Variants in RPS7 observed in about 807,000 individuals in gnomAD.
RPS7 encodes the protein small ribosomal subunit protein eS7.
Under a neutral mutation model 22.1 loss-of-function variants are expected in RPS7, and 1 was observed. That is an observed-to-expected ratio of 0.05 (90% CI 0.02 to 0.21). The LOEUF (loss-of-function observed/expected upper bound fraction) is 0.21, where lower values mean the gene tolerates loss of function less well. Ranked by LOEUF, RPS7 falls within the 10% of genes least tolerant of loss-of-function variation. The pLI is 1.00. For missense variants in RPS7, 137 were observed against 246.4 expected (o/e 0.56, Z 2.97); for synonymous variants, 80 against 92.0 (o/e 0.87, Z 0.74).
intron 3 of RPS7, 188 bp downstream of exon 3, chr2:3,576,076 T>G: frequency 3.1e-6 from 2 of 649,248 alleles, no homozygotes; most frequent in South Asian, 3.5e-5. Flanking sequence ...GCAGGTACCC[T>G]GCGGCTTAAG....
chr2:3,576,455 T>G, intron 3 of RPS7, 32 bp from the exon 4 acceptor site: 1 of 1,605,538 alleles, frequency 6.2e-7, no homozygotes, highest in Non-Finnish European at 8.5e-7. Flanking sequence ...TCTGAAGCAG[T>G]TAACACAGTG....
intron 5 of RPS7, chr2:3,579,556 A>G (rs1661355095): frequency 5.7e-6 from 1 of 174,904 alleles, no homozygotes; most frequent in Admixed American, 5.4e-5. Flanking sequence ...AAAGCTTGCA[A>G]TTAATTGAAA....
chr2:3,575,906 C>T lies in RPS7; in HGVS notation c.147+18C>T. On this transcript the variant is annotated intron_variant, in intron 3 of 6. Transcript: ENST00000645674. ...CAGCTAAGGTAAGCTGGCGCTCCCT[C>T]GGCTGGGAGGGAGGTTGCGGCGCGT... 1.3e-6 allele frequency: 2 copies of T among 1,582,096 alleles called. No homozygotes were observed. The highest frequency in any genetic ancestry group is 1.1e-5 in the South Asian group (1 of 89,122).
chr2:3,575,520 G>T, intron 1 of RPS7, 72 bp from the exon 2 acceptor site: 1 of 1,033,908 alleles, frequency 9.7e-7, no homozygotes, highest in Admixed American at 1.9e-5. Context: ...CCTGGCCGGG[G>T]GGTGCGGGCG....
rs1188967457 is a variant in RPS7, at chr2:3,576,296, G to A, written c.148-191G>A. ...CTGGCCTGAACAGTCTCCCTTCCTG[G>A]AATAAGGAAATGTGAAGGTTGGAGA... On this transcript the variant is annotated intron_variant, in intron 3 of 6. Coordinates refer to ENST00000645674, the MANE Select transcript of RPS7 (RefSeq NM_001011.4). 4.5e-6 allele frequency: 3 copies of A among 671,652 alleles called. No individual in the cohort carries two copies. In the African/African-American group the frequency reaches 5.4e-5, roughly 12 times the overall value. 41.6% of individuals were successfully genotyped at this position (671,652 alleles called of 1,614,324 possible). A position where few individuals can be genotyped will look rare whatever the true frequency, so the allele number is the denominator to read the frequency against.
intron 1 of RPS7, 77 bp downstream of exon 1, chr2:3,575,427 A>G: frequency 3.3e-6 from 2 of 612,478 alleles, no homozygotes; most frequent in Non-Finnish European, 5.8e-6. Flanking sequence ...CAGGCCCTGG[A>G]GGGGCGAGCC....
intron 5 of RPS7, chr2:3,578,059 C>T: frequency 2.4e-6 from 1 of 419,198 alleles, no homozygotes; most frequent in East Asian, 4.4e-5. Context: ...GAAATCATTA[C>T]TTTAATTCTG....
chr2:3,580,036 TAA>T, intron 5 of RPS7, 72 bp from the exon 6 acceptor site: 1 of 1,384,206 alleles, frequency 7.2e-7, no homozygotes, highest in Non-Finnish European at 1.0e-6. Context: ...CATTTTGACT[TAA>T]AGAGGTGCCC....
chr2:3,575,557 C>G, intron 1 of RPS7, 35 bp from the exon 2 acceptor site: 1 of 1,508,368 alleles, frequency 6.6e-7, no homozygotes, highest in South Asian at 1.1e-5. Context: ...GCGCCTGCAG[C>G]CCGGGCCGCG....
intron 1 of RPS7, 119 bp from the exon 2 acceptor site, chr2:3,575,473 C>G (rs1275191706): frequency 1.4e-5 from 10 of 702,948 alleles, no homozygotes; most frequent in Non-Finnish European, 2.3e-5. Context: ...GATTACCCGC[C>G]CTGTGCTTTC....
At chr2:3,577,363 G>T in intron 4 of RPS7, 1 of 249,248 alleles carries the variant, frequency 4.0e-6, no homozygotes, top group African/African-American at 2.3e-5. Flanking sequence ...GTTACAGTTC[G>T]GATGGGGGAT....
At chr2:3,580,557 TGGG>T (rs1256488435) in intron 6 of RPS7, 6 of 622,944 alleles carry the variant, frequency 9.6e-6, no homozygotes, top group Middle Eastern at 4.2e-4. Context: ...ATCAGTGTCT[TGGG>T]GGGACATAAC....
rs780737793 is a variant in RPS7 at position 3,575,772 on chromosome 2, T to G, written c.76-45T>G. On this transcript the variant is annotated intron_variant, in intron 2 of 6. Transcript: ENST00000645674. Reference sequence around the variant, plus strand: ...CGCGCGTGTGTTGGGCCCGGGGTGCTCGGACGCGCGCTCAGGGTCGGTCCT... The same window carrying G: ...CGCGCGTGTGTTGGGCCCGGGGTGCGCGGACGCGCGCTCAGGGTCGGTCCT... 8 of 1,600,916 alleles carry G rather than the reference T, an allele frequency of 5.0e-6. No individual in the cohort carries two copies. The African/African-American group carries it at 9.4e-5, about 19-fold the overall frequency.
At chr2:3,579,455 A>T (rs541571814) in intron 5 of RPS7, 22 of 152,700 alleles carry the variant, frequency 1.4e-4, no homozygotes, top group Admixed American at 7.1e-4. Context: ...GTAGACAGAT[A>T]ACCATATGTA....
chr2:3,578,520 A>G (rs954811359), intron 5 of RPS7: 2 of 152,102 alleles, frequency 1.3e-5, no homozygotes, highest in Middle Eastern at 3.2e-3. Context: ...AGTGCTAAGA[A>G]TGTTTTTTTT....
intron 3 of RPS7, 115 bp downstream of exon 3, chr2:3,576,003 C>T (rs1261383726): frequency 5.0e-6 from 4 of 802,226 alleles, no homozygotes; most frequent in South Asian, 4.4e-5. Flanking sequence ...GGCCGCCTAA[C>T]CTGAACTCAG....
At chr2:3,578,018 T>C (rs578036764) in intron 5 of RPS7, 1 of 550,136 alleles carries the variant, frequency 1.8e-6, no homozygotes, top group Non-Finnish European at 3.2e-6. Flanking sequence ...TTCCTCCGAT[T>C]ATTTGTGCAC....
rs1661282778 is a variant in RPS7, at chr2:3,576,468, T to C, written c.148-19T>C. On this transcript the variant is annotated intron_variant, in intron 3 of 6. Transcript: ENST00000645674. ...TTTCTGAAGCAGTTAACACAGTGGA[T>C]TTTTGTTTTTTTCTTTAGGAAATTG... The C allele has an allele frequency of 6.2e-7, 1 of 1,611,672 alleles. No homozygotes were observed. The highest frequency in any genetic ancestry group is 8.5e-7 in the Non-Finnish European group (1 of 1,177,870).
Position 3,580,792 on chromosome 2 carries a change from T to C in RPS7, c.508-13T>C. On this transcript the variant is annotated splice_polypyrimidine_tract_variant and intron_variant, in intron 6 of 6. Transcript: ENST00000645674. ...TTTCAAAGTTCTGTGATGAATTCTT[T>C]CTTTTCTTGTAGGTTGAAACTTTTT... 1 of 1,535,080 alleles carries C rather than the reference T, an allele frequency of 6.5e-7. No individual in the cohort carries two copies. Among genetic ancestry groups the C allele is most frequent in the Non-Finnish European group, 9.0e-7 (1 of 1,109,900 alleles).
Sources: allele counts gnomAD v4.1 joint callset, GRCh38; gene constraint gnomAD v4.1.1; transcripts MANE v1.5; gene names NCBI Gene and HGNC (gene_info 2026-07-23, HGNC 2026-07-21).